Variants in OSBPL1A observed in about 807,000 individuals in gnomAD.
OSBPL1A encodes oxysterol-binding protein-related protein 1.
A neutral mutation model predicts 137.1 loss-of-function variants in OSBPL1A; 80 were observed. The ratio of observed to expected loss-of-function variants is 0.58; its 90% CI spans 0.49 to 0.70. The LOEUF is 0.70. OSBPL1A is among the 30% of genes least tolerant of loss of function. The probability of loss-of-function intolerance (pLI) is 0.00; values close to 1 mark genes in which losing one functional copy is unlikely to be tolerated. For synonymous variants in OSBPL1A, 365 were observed against 389.7 expected (o/e 0.94, Z 0.75); for missense variants, 970 against 1,129.4 (o/e 0.86, Z 2.02).
intron 17 of OSBPL1A, among the ~76,000 whole-genome samples, chr18:24,215,381 T>C (rs1159731177): frequency 6.6e-6 from 1 of 152,186 alleles, no homozygotes; most frequent in African/African-American, 2.4e-5. Context: ...CATATCACAT[T>C]TTATGCAATC....
At chr18:24,246,107 G>A (rs2088875286) in intron 15 of OSBPL1A, among the ~76,000 whole-genome samples, 1 of 152,048 alleles carries the variant, frequency 6.6e-6, no homozygotes, top group Admixed American at 6.6e-5. Flanking sequence ...AGCTACTTGG[G>A]AGACTGAGGC....
intron 21 of OSBPL1A, among the ~76,000 whole-genome samples, chr18:24,173,164 A>G (rs917061919): frequency 6.6e-6 from 1 of 152,160 alleles, no homozygotes; most frequent in Non-Finnish European, 1.5e-5. Flanking sequence ...ACCAAATACC[A>G]CATGTTCTCA....
intron 18 of OSBPL1A, among the ~76,000 whole-genome samples, chr18:24,191,389 T>C (rs984576196): frequency 5.9e-5 from 9 of 152,220 alleles, no homozygotes; most frequent in African/African-American, 1.9e-4. Context: ...CTCCCATCTG[T>C]CTATTAATAT....
chr18:24,248,367 TC>T (rs1346848612), intron 15 of OSBPL1A, among the ~76,000 whole-genome samples: 1 of 152,180 alleles, frequency 6.6e-6, no homozygotes, highest in African/African-American at 2.4e-5. Flanking sequence ...ACTAACTTGA[TC>T]AGCCCAACAC....
intron 16 of OSBPL1A, among the ~76,000 whole-genome samples, chr18:24,228,714 G>A (rs1045966549): frequency 6.6e-6 from 1 of 152,148 alleles, no homozygotes; most frequent in African/African-American, 2.4e-5. Flanking sequence ...GCTGATGATT[G>A]AGCTGCGTTC....
chr18:24,273,953 A>G (rs1378776941), intron 15 of OSBPL1A, among the ~76,000 whole-genome samples: 1 of 151,702 alleles, frequency 6.6e-6, no homozygotes, highest in African/African-American at 2.4e-5. Flanking sequence ...ACCAAATTGA[A>G]CCGGGCACGG....
intron 7 of OSBPL1A, among the ~76,000 whole-genome samples, chr18:24,322,235 G>A (rs868551484): frequency 1.3e-5 from 2 of 149,970 alleles, no homozygotes; most frequent in South Asian, 4.2e-4. Context: ...TCAGCCTCCT[G>A]AGTAGCTGGG....
intron 18 of OSBPL1A, among the ~76,000 whole-genome samples, chr18:24,192,100 T>C (rs1275362003): frequency 6.6e-6 from 1 of 152,176 alleles, no homozygotes; most frequent in African/African-American, 2.4e-5. Context: ...AGGACTATTC[T>C]ATTACTCCAA....
chr18:24,294,297 T>C (rs2090250152), intron 14 of OSBPL1A, among the ~76,000 whole-genome samples: 1 of 151,918 alleles, frequency 6.6e-6, no homozygotes, highest in African/African-American at 2.4e-5. Flanking sequence ...AGTGGCGCGA[T>C]CTCGGCTCAC....
intron 2 of OSBPL1A, among the ~76,000 whole-genome samples, chr18:24,370,376 A>C (rs1905528879): frequency 6.6e-6 from 1 of 152,062 alleles, no homozygotes; most frequent in Non-Finnish European, 1.5e-5. Flanking sequence ...CCCCTCACCA[A>C]ATAACTTTGG....
intron 4 of OSBPL1A, among the ~76,000 whole-genome samples, chr18:24,356,011 A>G (rs931297529): frequency 5.9e-5 from 9 of 151,322 alleles, no homozygotes; most frequent in African/African-American, 1.9e-4. Flanking sequence ...GAAAAGAAAA[A>G]AAAAGAAAAG....
chr18:24,208,631 A>C (rs1278823416), intron 17 of OSBPL1A, among the ~76,000 whole-genome samples: 2 of 152,254 alleles, frequency 1.3e-5, no homozygotes, highest in Non-Finnish European at 2.9e-5. Context: ...TTACTTAATT[A>C]AACTCTTATT....
At chr18:24,390,831 G>A (rs1433311650) in intron 1 of OSBPL1A, among the ~76,000 whole-genome samples, 1 of 151,766 alleles carries the variant, frequency 6.6e-6, no homozygotes, top group Non-Finnish European at 1.5e-5. Flanking sequence ...CAGGTGCAGT[G>A]GCTCACGGCT....
At chr18:24,359,000 T>C (rs970823515) in intron 4 of OSBPL1A, among the ~76,000 whole-genome samples, 2 of 152,170 alleles carry the variant, frequency 1.3e-5, no homozygotes, top group African/African-American at 2.4e-5. Context: ...GCAGATCACT[T>C]GAGCCCAGGA....
At chr18:24,310,601 C>CA (rs751767943) in intron 13 of OSBPL1A, among the ~76,000 whole-genome samples, 11,445 of 52,126 alleles carry the variant, frequency 0.22, 1,432 homozygotes, top group African/African-American at 0.42. Flanking sequence ...GACTCCGTCT[C>CA]AAAAAAAAAA....
In OSBPL1A at chr18:24,233,852, A is replaced by G. The variant is rs918092927; in HGVS notation, c.1444+5368T>C. ...TTTTTAGTAGAGGCAGGGTTTCACA[A>G]TGTTGGCCAGGCTGGTCTCAAAACT... On this transcript the variant is annotated intron_variant, in intron 16 of 27. Coordinates refer to ENST00000319481, the MANE Select transcript of OSBPL1A (RefSeq NM_080597.4). 3.9e-5 allele frequency among the ~76,000 whole-genome samples: 6 copies of G among 152,272 alleles called. No homozygotes were observed. In the East Asian group the frequency reaches 1.2e-3, roughly 29 times the overall value.
intron 5 of OSBPL1A, among the ~76,000 whole-genome samples, chr18:24,336,101 A>C (rs1349554096): frequency 6.6e-6 from 1 of 152,122 alleles, no homozygotes; most frequent in Non-Finnish European, 1.5e-5. Context: ...TGCATGTATC[A>C]CCCTGACCTG....
chr18:24,383,515 T>C (rs1906752862), intron 1 of OSBPL1A, among the ~76,000 whole-genome samples: 1 of 152,248 alleles, frequency 6.6e-6, no homozygotes, highest in South Asian at 2.1e-4. Flanking sequence ...CCCAGCACTT[T>C]GGGAGGTCAA....
chr18:24,360,472 C>T (rs1404880234), intron 4 of OSBPL1A, among the ~76,000 whole-genome samples: 1 of 152,156 alleles, frequency 6.6e-6, no homozygotes, highest in Non-Finnish European at 1.5e-5. Context: ...ACTCTTTGCA[C>T]AATTCAGTCA....
Sources: allele counts gnomAD v4.1 joint callset (sites outside exome capture counted in the v4.1 genomes callset), GRCh38; gene constraint gnomAD v4.1.1; transcripts MANE v1.5; gene names NCBI Gene and HGNC (gene_info 2026-07-23, HGNC 2026-07-21).